The following BRD10 variants were observed in gnomAD, a reference collection of about 807,000 sequenced individuals.
The protein encoded by BRD10 is uncharacterized bromodomain-containing protein 10.
At chr9:5,910,010 A>G in the BRD10 span, 5 of 152,234 alleles carry the variant, frequency 3.3e-5, no homozygotes, top group African/African-American at 1.2e-4. Flanking sequence ...GAGGATAACT[A>G]TAACAACGAA....
At chr9:5,954,489 T>G in the BRD10 span, among the ~76,000 whole-genome samples, 1 of 152,180 alleles carries the variant, frequency 6.6e-6, no homozygotes, top group Non-Finnish European at 1.5e-5. Context: ...GGAACTTGCA[T>G]AAGAACTACA....
the BRD10 span, among the ~76,000 whole-genome samples, chr9:6,005,610 C>A: frequency 6.6e-6 from 1 of 152,176 alleles, no homozygotes; most frequent in Non-Finnish European, 1.5e-5. Flanking sequence ...CATTCTCTTG[C>A]CTCATTCTAA....
the BRD10 span, among the ~76,000 whole-genome samples, chr9:5,988,114 T>A: frequency 6.6e-6 from 1 of 152,196 alleles, no homozygotes; most frequent in South Asian, 2.1e-4. Flanking sequence ...CTACTAGAAA[T>A]CTAGAAAGCA....
chr9:5,977,721 G>C, the BRD10 span, among the ~76,000 whole-genome samples: 1 of 152,172 alleles, frequency 6.6e-6, no homozygotes, highest in African/African-American at 2.4e-5. Context: ...TGTAGTCCCA[G>C]CTACTCGGGA....
chr9:5,978,111 AT>A, the BRD10 span, among the ~76,000 whole-genome samples: 1 of 151,242 alleles, frequency 6.6e-6, no homozygotes, highest in African/African-American at 2.4e-5. Flanking sequence ...AATTGGTTCA[AT>A]TTTTTTTTCT....
At chr9:5,904,512 G>A in the BRD10 span, among the ~76,000 whole-genome samples, 7 of 151,824 alleles carry the variant, frequency 4.6e-5, no homozygotes, top group East Asian at 1.9e-4. Context: ...TCACTCTGTC[G>A]CCCAGGCTGG....
At chr9:5,953,520 T>C in the BRD10 span, among the ~76,000 whole-genome samples, 2 of 152,178 alleles carry the variant, frequency 1.3e-5, no homozygotes, top group Middle Eastern at 6.8e-3. Flanking sequence ...CTGAAGATCA[T>C]ATACAGCTAA....
At chr9:5,904,791 T>TG in the BRD10 span, among the ~76,000 whole-genome samples, 1 of 145,322 alleles carries the variant, frequency 6.9e-6, no homozygotes, top group Non-Finnish European at 1.5e-5. Flanking sequence ...TTTTTTTTTT[T>TG]GAGACGGAGT....
chr9:5,972,804 G>T, the BRD10 span, among the ~76,000 whole-genome samples: 2 of 152,038 alleles, frequency 1.3e-5, no homozygotes, highest in African/African-American at 4.8e-5. Flanking sequence ...TTCCTTCACA[G>T]CAATGCAAAA....
the BRD10 span, among the ~76,000 whole-genome samples, chr9:5,930,933 G>C: frequency 6.6e-6 from 1 of 152,196 alleles, no homozygotes. Context: ...AAATTAGGTA[G>C]ACTTGTAACC....
chr9:5,900,511 C>T, the BRD10 span, among the ~76,000 whole-genome samples: 9 of 152,010 alleles, frequency 5.9e-5, no homozygotes, highest in African/African-American at 2.2e-4. Context: ...ACATAATTAC[C>T]TCCCTTTCTG....
chr9:5,929,938 A>G, the BRD10 span, among the ~76,000 whole-genome samples: 258 of 152,216 alleles, frequency 1.7e-3, no homozygotes, highest in African/African-American at 5.9e-3. Context: ...GAACCACATC[A>G]CTACCTCTTA....
At chr9:5,929,688 T>G in the BRD10 span, among the ~76,000 whole-genome samples, 1 of 152,174 alleles carries the variant, frequency 6.6e-6, no homozygotes, top group Admixed American at 6.5e-5. Flanking sequence ...AATACCCTAA[T>G]GCTATACTAA....
At chr9:5,913,104 C>A in the BRD10 span, among the ~76,000 whole-genome samples, 2 of 152,116 alleles carry the variant, frequency 1.3e-5, no homozygotes, top group African/African-American at 4.8e-5. Context: ...AAAGAGCAGG[C>A]ATACTTTAAG....
chr9:5,893,806 C>T, the BRD10 span, among the ~76,000 whole-genome samples: 64 of 152,264 alleles, frequency 4.2e-4, no homozygotes, highest in African/African-American at 1.5e-3. Context: ...GATGTTGTGC[C>T]ATCACCTCCA....
chr9:5,920,872 C>T, the BRD10 span: 3 of 1,613,828 alleles, frequency 1.9e-6, no homozygotes, highest in Admixed American at 5.0e-5. Context: ...TTGATATAGC[C>T]ACAGTGTTTC....
chr9:5,977,813 C>A, the BRD10 span, among the ~76,000 whole-genome samples: 1 of 151,982 alleles, frequency 6.6e-6, no homozygotes, highest in Admixed American at 6.5e-5. Flanking sequence ...CCAGCCTGGG[C>A]AACAGAGCGA....
chr9:5,889,019 C>T, the BRD10 span, among the ~76,000 whole-genome samples: 1 of 152,046 alleles, frequency 6.6e-6, no homozygotes, highest in East Asian at 1.9e-4. Flanking sequence ...AAACTTGCAC[C>T]GAAAAAAGGT....
chr9:5,902,604 G>C, the BRD10 span, among the ~76,000 whole-genome samples: 1 of 151,688 alleles, frequency 6.6e-6, no homozygotes, highest in African/African-American at 2.4e-5. Context: ...TGAGTAGCTA[G>C]GACTACAGCT....
Sources: gnomAD v4.1 joint callset for allele counts (sites outside exome capture counted in the v4.1 genomes callset) on GRCh38, gnomAD v4.1.1 for gene constraint, MANE v1.5 for transcripts, NCBI Gene and HGNC (gene_info 2026-07-23, HGNC 2026-07-21) for gene names.